The following PTPRD variants were observed in gnomAD, a reference collection of about 807,000 sequenced individuals.
The protein encoded by PTPRD is receptor-type tyrosine-protein phosphatase delta.
PTPRD carries 34 observed loss-of-function variants against 214.5 expected under a neutral mutation model. The ratio of observed to expected loss-of-function variants is 0.16; its 90% CI spans 0.12 to 0.21. The LOEUF is 0.21. Ranked by LOEUF, PTPRD falls within the 10% of genes least tolerant of loss-of-function variation. The pLI is 1.00. For missense variants in PTPRD, 2,545 were observed against 2,398.7 expected, an observed-to-expected ratio of 1.06 and a Z score of -1.27; for synonymous variants, 1,128 against 845.7, an observed-to-expected ratio of 1.33 and a Z score of -5.79.
At chr9:8,846,383 G>A (rs2097696801) in intron 11 of PTPRD, among the ~76,000 whole-genome samples, 1 of 152,138 alleles carries the variant, frequency 6.6e-6, no homozygotes, top group South Asian at 2.1e-4. Context: ...AGCTGGAGAT[G>A]TCACTGGGAA....
intron 3 of PTPRD, among the ~76,000 whole-genome samples, chr9:10,264,218 G>T (rs543155122): frequency 2.6e-5 from 4 of 152,292 alleles, no homozygotes; most frequent in Admixed American, 6.5e-5. Context: ...CCCCACTGGG[G>T]CGCTGCCTAG....
chr9:10,332,381 T>C (rs1365971036), intron 3 of PTPRD, among the ~76,000 whole-genome samples: 1 of 151,816 alleles, frequency 6.6e-6, no homozygotes, highest in Admixed American at 6.6e-5. Flanking sequence ...TGCCCATATA[T>C]AAATGAACTT....
At chr9:9,842,669 T>A (rs1389376843) in intron 5 of PTPRD, among the ~76,000 whole-genome samples, 2 of 150,602 alleles carry the variant, frequency 1.3e-5, no homozygotes, top group African/African-American at 4.9e-5. Flanking sequence ...CTAAAAAAGT[T>A]GTTTTTTTTT....
chr9:10,029,833 T>C (rs191957836), intron 4 of PTPRD, among the ~76,000 whole-genome samples: 141 of 152,166 alleles, frequency 9.3e-4, no homozygotes, highest in African/African-American at 2.9e-3. Context: ...TATGAGAACA[T>C]AAGATTTGGG....
chr9:9,833,599 C>A (rs1306212505), intron 5 of PTPRD, among the ~76,000 whole-genome samples: 2 of 100,188 alleles, frequency 2.0e-5, no homozygotes, highest in Non-Finnish European at 2.0e-5. Context: ...TTTCCTCTTC[C>A]TAATAAGCGT....
intron 9 of PTPRD, among the ~76,000 whole-genome samples, chr9:9,356,745 A>G (rs1173166585): frequency 6.6e-6 from 1 of 151,396 alleles, no homozygotes; most frequent in East Asian, 1.9e-4. Context: ...CTACATTTGC[A>G]AAGACAATAC....
At position 9,275,102 on chromosome 9, in the gene PTPRD, A is replaced by ATTATAT. The variant is rs1356178509; in HGVS notation, c.-202-91740_-202-91739insATATAA. On this transcript the variant is annotated intron_variant, in intron 9 of 45. Coordinates refer to ENST00000381196, the MANE Select transcript of PTPRD (RefSeq NM_002839.4). Reference sequence around the variant, plus strand: ...TATATAATATATATGTTATATATATAATATATTATATATATATTATATATA... The same window carrying ATTATAT: ...TATATAATATATATGTTATATATATATTATATATATATTATATATATATTATATATA... Among the ~76,000 whole-genome samples the ATTATAT allele has an allele frequency of 1.5e-3, 92 of 60,692 alleles. 1 individual carries two copies. The highest frequency in any genetic ancestry group is 5.5e-3 in the African/African-American group (85 of 15,592). 39.8% of individuals were successfully genotyped at this position (60,692 alleles called of 152,430 possible). A position where few individuals can be genotyped will look rare whatever the true frequency, so the allele number is the denominator to read the frequency against.
intron 7 of PTPRD, among the ~76,000 whole-genome samples, chr9:9,624,085 T>A (rs1179032498): frequency 6.6e-6 from 1 of 152,198 alleles, no homozygotes; most frequent in Non-Finnish European, 1.5e-5. Flanking sequence ...ATCGTCATAA[T>A]CAAATGTCCT....
At chr9:8,372,708 G>C (rs980668599) in intron 39 of PTPRD, among the ~76,000 whole-genome samples, 2 of 152,004 alleles carry the variant, frequency 1.3e-5, no homozygotes, top group East Asian at 3.9e-4. Context: ...CCAAGGCCTT[G>C]TCTGCGCTTG....
At chr9:8,530,905 A>G (rs117402974) in intron 14 of PTPRD, among the ~76,000 whole-genome samples, 4,409 of 152,240 alleles carry the variant, frequency 0.029, 106 homozygotes, top group South Asian at 0.085. Context: ...GCTGGGCAGG[A>G]TAGAAAGTTT....
At chr9:9,968,324 CAACCCCTAA>C (rs1292573355) in intron 4 of PTPRD, among the ~76,000 whole-genome samples, 1 of 152,104 alleles carries the variant, frequency 6.6e-6, no homozygotes, top group Admixed American at 6.5e-5. Flanking sequence ...TTCAGTAGTA[CAACCCCTAA>C]AACGTCATTT....
intron 43 of PTPRD, among the ~76,000 whole-genome samples, chr9:8,332,402 T>C (rs988596333): frequency 5.9e-5 from 9 of 152,282 alleles, no homozygotes; most frequent in African/African-American, 2.2e-4. Context: ...GACTGTGCTG[T>C]TAAGTGGGAA....
At chr9:8,516,161 C>T (rs2097777233) in intron 21 of PTPRD, among the ~76,000 whole-genome samples, 3 of 152,174 alleles carry the variant, frequency 2.0e-5, no homozygotes, top group African/African-American at 4.8e-5. Context: ...TAGTTAACCA[C>T]TTTTAGTCAA....
chr9:8,371,661 G>T (rs1182262088), intron 39 of PTPRD, among the ~76,000 whole-genome samples: 3 of 152,020 alleles, frequency 2.0e-5, no homozygotes, highest in Non-Finnish European at 4.4e-5. Context: ...CCAGCTTAAA[G>T]AAATTCATGC....
intron 3 of PTPRD, among the ~76,000 whole-genome samples, chr9:10,099,403 G>C (rs1487083647): frequency 6.6e-6 from 1 of 151,396 alleles, no homozygotes; most frequent in Non-Finnish European, 1.5e-5. Context: ...ATTAATGTAG[G>C]AATAAAAATT....
In PTPRD at chr9:9,954,297, C is replaced by CAAAAA. The variant is rs781628679; in HGVS notation, c.-471-15692_-471-15688dup. On this transcript the variant is annotated intron_variant, in intron 4 of 45. Transcript: ENST00000381196. ...GACAGATTGAGACTCTGTCTCAAAA[C>CAAAAA]AAAAAAAAAAAAAAAAAAAAAAAAA... Among the ~76,000 whole-genome samples the CAAAAA allele has an allele frequency of 3.3e-4, 18 of 53,776 alleles. 1 individual carries two copies. The highest frequency in any genetic ancestry group is 4.9e-4 in the Non-Finnish European group (11 of 22,462). 35.3% of individuals were successfully genotyped at this position (53,776 alleles called of 152,430 possible). A position where few individuals can be genotyped will look rare whatever the true frequency, so the allele number is the denominator to read the frequency against.
intron 14 of PTPRD, among the ~76,000 whole-genome samples, chr9:8,554,862 T>A (rs970990636): frequency 3.3e-5 from 5 of 152,176 alleles, no homozygotes; most frequent in African/African-American, 1.2e-4. Context: ...CTATCATTTT[T>A]ACGGGCTTTG....
intron 32 of PTPRD, among the ~76,000 whole-genome samples, chr9:8,461,354 T>A (rs540992110): frequency 3.3e-5 from 5 of 152,246 alleles, no homozygotes; most frequent in Admixed American, 6.5e-5. Context: ...GATAATATAC[T>A]TTTTAAGAAT....
At chr9:10,254,002 A>G (rs1025308299) in intron 3 of PTPRD, among the ~76,000 whole-genome samples, 2 of 152,200 alleles carry the variant, frequency 1.3e-5, no homozygotes, top group African/African-American at 4.8e-5. Flanking sequence ...ATACATATGT[A>G]ATTATGTTGA....
Sources: allele counts gnomAD v4.1 joint callset (sites outside exome capture counted in the v4.1 genomes callset), GRCh38; gene constraint gnomAD v4.1.1; transcripts MANE v1.5; gene names NCBI Gene and HGNC (gene_info 2026-07-23, HGNC 2026-07-21).